MCCC1: variants seen among roughly 807,000 people sequenced by gnomAD.
MCCC1 encodes the protein methylcrotonyl-CoA carboxylase subunit 1.
A neutral mutation model predicts 83.8 loss-of-function variants in MCCC1; 64 were observed. That is an observed-to-expected ratio of 0.76 (90% CI 0.62 to 0.94). The LOEUF is 0.94. MCCC1 is among the 40% of genes least tolerant of loss of function. The probability of loss-of-function intolerance (pLI) is 0.00; values close to 1 mark genes in which losing one functional copy is unlikely to be tolerated. For synonymous variants in MCCC1, 322 were observed against 315.4 expected, an observed-to-expected ratio of 1.02 and a Z score of -0.22; for missense variants, 807 against 904.7, an observed-to-expected ratio of 0.89 and a Z score of 1.39.
At chr3:183,111,178 G>C (rs1719487336) in intron 1 of MCCC1, among the ~76,000 whole-genome samples, 1 of 152,186 alleles carries the variant, frequency 6.6e-6, no homozygotes, top group Non-Finnish European at 1.5e-5. Context: ...GGTAAGTCGA[G>C]TACAAGTCTG....
chr3:183,068,283 G>C (rs115457254), intron 7 of MCCC1, among the ~76,000 whole-genome samples: 1 of 152,142 alleles, frequency 6.6e-6, no homozygotes, highest in African/African-American at 2.4e-5. Flanking sequence ...CAGGTCATAC[G>C]GACCTTGCAG....
rs867360366 is a variant in MCCC1, at chr3:183,097,472, G to A, written c.89+1880C>T. Among the ~76,000 whole-genome samples the A allele has an allele frequency of 3.0e-4, 46 of 152,146 alleles. No homozygotes were observed. In the Middle Eastern group the frequency reaches 0.014, roughly 45 times the overall value. ...CAGTGGTGTGATCATGGCTCACTAC[G>A]GCCTGGAACCCCTGGACTCAGGCCG... On this transcript the variant is annotated intron_variant, in intron 1 of 18. Coordinates refer to ENST00000265594, the MANE Select transcript of MCCC1 (RefSeq NM_020166.5).
At chr3:183,043,996 C>T (rs1413279083) in intron 10 of MCCC1, among the ~76,000 whole-genome samples, 3 of 152,108 alleles carry the variant, frequency 2.0e-5, no homozygotes, top group Non-Finnish European at 2.9e-5. Context: ...GCCTGGTTTT[C>T]GTTAACACCC....
intron 10 of MCCC1, among the ~76,000 whole-genome samples, chr3:183,044,990 A>G (rs1344088056): frequency 6.6e-6 from 1 of 151,998 alleles, no homozygotes; most frequent in Non-Finnish European, 1.5e-5. Context: ...TATTTTGCAT[A>G]ATGCTGGGAT....
At chr3:183,104,023 C>G (rs1719366376), upstream of MCCC1, among the ~76,000 whole-genome samples, 1 of 152,138 alleles carries the variant, frequency 6.6e-6, no homozygotes, top group Admixed American at 6.5e-5. Context: ...GCCGGCAGGG[C>G]CGGCCGGCTA....
intron 3 of MCCC1, among the ~76,000 whole-genome samples, chr3:183,087,174 GA>G (rs1180681528): frequency 6.6e-6 from 1 of 152,062 alleles, no homozygotes; most frequent in Non-Finnish European, 1.5e-5. Flanking sequence ...TGTACACAAA[GA>G]AAAAAGCTTA....
chr3:183,109,912 C>T (rs923510136), intron 1 of MCCC1, among the ~76,000 whole-genome samples: 2 of 150,884 alleles, frequency 1.3e-5, no homozygotes, highest in African/African-American at 4.8e-5. Context: ...GCCTCACTGT[C>T]TGTTATGTTT....
Position 183,034,027 on chromosome 3 carries a change from A to G in MCCC1, c.1645T>C (p.Tyr549His), listed in dbSNP as rs1475797798. 6.2e-7 allele frequency: 1 copy of G among 1,612,250 alleles called. No homozygotes were observed. The highest frequency in any genetic ancestry group is 1.7e-5 in the Admixed American group (1 of 60,022). The change falls in exon 14 of 19, where the codon TAT becomes CAT. Residue 549 changes from tyrosine to histidine, a missense_variant. Coordinates refer to ENST00000265594, the MANE Select transcript of MCCC1 (RefSeq NM_020166.5). Reference sequence around the variant, plus strand: ...TCTTTAAGAGTCATGTTTCTGGTATACGAGATATTCAGTCTTCTTCCACTG... The same window carrying G: ...TCTTTAAGAGTCATGTTTCTGGTATGCGAGATATTCAGTCTTCTTCCACTG... ...SSSGRRLNIS[Y>H]TRNMTLKDGK...
intron 15 of MCCC1, among the ~76,000 whole-genome samples, chr3:183,023,915 T>A (rs1214932817): frequency 6.6e-6 from 1 of 152,198 alleles, no homozygotes; most frequent in East Asian, 1.9e-4. Context: ...ATGTGTTCCT[T>A]GGGGTCCCTA....
chr3:183,103,816 G>C (rs1288876002), upstream of MCCC1, among the ~76,000 whole-genome samples: 1 of 152,194 alleles, frequency 6.6e-6, no homozygotes, highest in Non-Finnish European at 1.5e-5. Context: ...CATCGGGAAG[G>C]CTCGGGCCGC....
At chr3:183,051,580 G>A (rs1246797795) in intron 9 of MCCC1, among the ~76,000 whole-genome samples, 3 of 152,152 alleles carry the variant, frequency 2.0e-5, no homozygotes, top group Admixed American at 1.3e-4. Flanking sequence ...CTATACCATA[G>A]TACAATGGTG....
intron 10 of MCCC1, 68 bp from the exon 11 acceptor site, chr3:183,041,818 G>C (rs781005827): frequency 1.6e-5 from 25 of 1,566,206 alleles, no homozygotes; most frequent in African/African-American, 2.7e-5. Context: ...TAAATCAATG[G>C]TCTTGCTTTT....
chr3:183,087,273 A>T (rs73053963), intron 3 of MCCC1, among the ~76,000 whole-genome samples: 1,703 of 152,330 alleles, frequency 0.011, 36 homozygotes, highest in African/African-American at 0.039. Context: ...CTTAAAACTT[A>T]CACAAAATCA....
At chr3:183,059,303 C>T (rs1006670741) in intron 7 of MCCC1, among the ~76,000 whole-genome samples, 2 of 152,184 alleles carry the variant, frequency 1.3e-5, no homozygotes, top group South Asian at 2.1e-4. Context: ...AGTGAAACTC[C>T]GTCTCAAAAA....
At chr3:183,092,374 AAC>A (rs751917252) in intron 3 of MCCC1, 33 bp downstream of exon 3, 45 of 1,613,710 alleles carry the variant, frequency 2.8e-5, no homozygotes, top group Non-Finnish European at 3.6e-5. Context: ...TAAACGAATA[AAC>A]GTAAGACGTG....
At chr3:183,065,292 T>C (rs962243594) in intron 7 of MCCC1, among the ~76,000 whole-genome samples, 16 of 152,156 alleles carry the variant, frequency 1.1e-4, no homozygotes, top group Non-Finnish European at 1.3e-4. Context: ...GTGGCCTAGC[T>C]TTGTCTTTTC....
At chr3:183,020,510 T>C (rs1019760378) in intron 16 of MCCC1, among the ~76,000 whole-genome samples, 7 of 152,126 alleles carry the variant, frequency 4.6e-5, no homozygotes, top group Admixed American at 1.3e-4. Flanking sequence ...TACGCGCCTA[T>C]AGTCCCAGCT....
intron 8 of MCCC1, among the ~76,000 whole-genome samples, chr3:183,056,392 A>C (rs1468806823): frequency 6.6e-6 from 1 of 152,220 alleles, no homozygotes; most frequent in East Asian, 1.9e-4. Context: ...AACCCATGGC[A>C]GTAGCAACCT....
intron 3 of MCCC1, among the ~76,000 whole-genome samples, chr3:183,088,651 A>G (rs1718095366): frequency 6.6e-6 from 1 of 152,240 alleles, no homozygotes; most frequent in African/African-American, 2.4e-5. Flanking sequence ...TAAACCTGGG[A>G]CATATTGTTC....
Sources: allele counts gnomAD v4.1 joint callset (sites outside exome capture counted in the v4.1 genomes callset), GRCh38; gene constraint gnomAD v4.1.1; transcripts MANE v1.5; gene names NCBI Gene and HGNC (gene_info 2026-07-23, HGNC 2026-07-21).